USP13: variants seen among roughly 807,000 people sequenced by gnomAD.
USP13 encodes ubiquitin specific peptidase 13, also known as ubiquitin carboxyl-terminal hydrolase 13.
Under a neutral mutation model 107.8 loss-of-function variants are expected in USP13, and 68 were observed. The ratio of observed to expected loss-of-function variants is 0.63; its 90% CI spans 0.52 to 0.77. The LOEUF (loss-of-function observed/expected upper bound fraction) is 0.77, where lower values mean the gene tolerates loss of function less well. Among genes scored for constraint, USP13 ranks in the 30% least tolerant of loss-of-function variants. USP13 has a pLI of 0.00. For synonymous variants in USP13, 377 were observed against 389.5 expected (o/e 0.97, Z 0.38); for missense variants, 945 against 1,093.3 (o/e 0.86, Z 1.91).
At chr3:179,781,894 T>G in intron 20 of USP13, 71 bp downstream of exon 20, 3 of 1,306,414 alleles carry the variant, frequency 2.3e-6, no homozygotes, top group Non-Finnish European at 3.3e-6. Flanking sequence ...GGCACTCTCC[T>G]AGGTACATTG....
At chr3:179,708,693 T>A (rs1320714434) in intron 5 of USP13, 80 bp from the exon 6 acceptor site, 1 of 1,544,474 alleles carries the variant, frequency 6.5e-7, no homozygotes. Flanking sequence ...ACCTGCCTAC[T>A]TGAAACCCTC....
At chr3:179,708,595 C>A (rs575182918) in intron 5 of USP13, among the ~76,000 whole-genome samples, 178 bp from the exon 6 acceptor site, 4 of 152,134 alleles carry the variant, frequency 2.6e-5, no homozygotes, top group African/African-American at 9.7e-5. Context: ...GGGTTACAGG[C>A]GTGAACCACC....
At chr3:179,760,750 G>A (rs182712540) in intron 16 of USP13, among the ~76,000 whole-genome samples, 4 of 152,326 alleles carry the variant, frequency 2.6e-5, no homozygotes, top group African/African-American at 9.6e-5. Flanking sequence ...TAGGCCTGTA[G>A]ATAGAGCTTT....
chr3:179,722,324 G>A, intron 8 of USP13, among the ~76,000 whole-genome samples: 1 of 152,110 alleles, frequency 6.6e-6, no homozygotes, highest in Non-Finnish European at 1.5e-5. Context: ...TTACAGTGTG[G>A]TTCATAGACT....
chr3:179,755,714 C>T (rs1342064028), intron 15 of USP13, among the ~76,000 whole-genome samples: 1 of 152,194 alleles, frequency 6.6e-6, no homozygotes, highest in Non-Finnish European at 1.5e-5. Context: ...CTGATGAAAT[C>T]AGTTTCATTC....
rs187160946 is a variant in USP13 at position 179,719,834 on chromosome 3, G to A, written c.806-106G>A. On this transcript the variant is annotated intron_variant, in intron 6 of 20. Coordinates refer to ENST00000263966, the MANE Select transcript of USP13 (RefSeq NM_003940.3). Reference sequence around the variant, plus strand: ...TGTTAGAAAGTTTTCGTTTTGTTCAGTGATATAGCCCAAGCCTGGTGTACA... The same window carrying A: ...TGTTAGAAAGTTTTCGTTTTGTTCAATGATATAGCCCAAGCCTGGTGTACA... 4,009 of 795,352 alleles carry A rather than the reference G, an allele frequency of 5.0e-3. 22 individuals carry two copies. The highest frequency in any genetic ancestry group is 0.045 in the Middle Eastern group (179 of 4,022). 49.3% of individuals were successfully genotyped at this position (795,352 alleles called of 1,614,324 possible). A position where few individuals can be genotyped will look rare whatever the true frequency, so the allele number is the denominator to read the frequency against.
chr3:179,748,518 G>T (rs1714489286), intron 13 of USP13, among the ~76,000 whole-genome samples: 1 of 152,156 alleles, frequency 6.6e-6, no homozygotes, highest in Non-Finnish European at 1.5e-5. Context: ...GATCTTGGCG[G>T]ATCTTGCATC....
At chr3:179,698,575 A>C (rs892971371) in intron 3 of USP13, among the ~76,000 whole-genome samples, 79 of 151,728 alleles carry the variant, frequency 5.2e-4, no homozygotes, top group African/African-American at 1.8e-3. Flanking sequence ...TGGAAAGGAG[A>C]CAGATAATAT....
intron 6 of USP13, among the ~76,000 whole-genome samples, chr3:179,716,396 C>CAA: frequency 6.6e-6 from 1 of 152,202 alleles, no homozygotes; most frequent in South Asian, 2.1e-4. Context: ...ACCAAACCAG[C>CAA]ATTTCTTCTA....
At chr3:179,676,438 T>A (rs538967183) in intron 1 of USP13, among the ~76,000 whole-genome samples, 1 of 152,154 alleles carries the variant, frequency 6.6e-6, no homozygotes, top group Non-Finnish European at 1.5e-5. Context: ...GGCTGGTTAA[T>A]GAGAGGATGA....
intron 2 of USP13, 26 bp downstream of exon 2, chr3:179,682,029 G>A (rs1230704036): frequency 1.2e-6 from 2 of 1,603,178 alleles, no homozygotes; most frequent in African/African-American, 1.3e-5. Flanking sequence ...TCAGAGAACT[G>A]GCCTTGATGT....
chr3:179,729,106 G>A (rs1409882293), intron 8 of USP13, among the ~76,000 whole-genome samples: 1 of 152,214 alleles, frequency 6.6e-6, no homozygotes, highest in African/African-American at 2.4e-5. Flanking sequence ...TAGGAGCACT[G>A]CAACAGGGCC....
At chr3:179,679,967 G>T (rs1424661923) in intron 1 of USP13, among the ~76,000 whole-genome samples, 1 of 152,050 alleles carries the variant, frequency 6.6e-6, no homozygotes, top group African/African-American at 2.4e-5. Context: ...TTGAGCCCAG[G>T]AGTTTGAGAC....
intron 11 of USP13, among the ~76,000 whole-genome samples, chr3:179,741,080 G>C (rs1714179184): frequency 6.6e-6 from 1 of 151,130 alleles, no homozygotes; most frequent in African/African-American, 2.4e-5. Context: ...CCTGAGTAAA[G>C]CCTTTTTTTT....
chr3:179,748,729 C>G (rs1307317879), intron 13 of USP13, among the ~76,000 whole-genome samples: 6 of 152,196 alleles, frequency 3.9e-5, no homozygotes, highest in Non-Finnish European at 8.8e-5. Flanking sequence ...GAGATTTTTA[C>G]TTACCCATTC....
At position 179,692,975 on chromosome 3, in the gene USP13, A is replaced by G. The variant is rs138034167; in HGVS notation, c.355+2674A>G. On this transcript the variant is annotated intron_variant, in intron 3 of 20. Coordinates refer to ENST00000263966, the MANE Select transcript of USP13 (RefSeq NM_003940.3). The stretch of plus-strand genomic sequence containing the variant: ...TACAGGTTATTCTCTGTATTCAGGC[A>G]AGATTTCATATCTTAGAAAACCACA... 8.3e-3 allele frequency among the ~76,000 whole-genome samples: 1,266 copies of G among 152,318 alleles called. 28 individuals are homozygous for G. The highest frequency in any genetic ancestry group is 0.029 in the African/African-American group (1,224 of 41,572).
At chr3:179,751,060 A>AAAT (rs1714594582) in intron 13 of USP13, among the ~76,000 whole-genome samples, 1 of 152,208 alleles carries the variant, frequency 6.6e-6, no homozygotes, top group African/African-American at 2.4e-5. Flanking sequence ...TTTTATTTTA[A>AAAT]AAGGTATCTG....
At chr3:179,738,207 T>C (rs773883059) in intron 10 of USP13, among the ~76,000 whole-genome samples, 6 of 152,192 alleles carry the variant, frequency 3.9e-5, no homozygotes, top group Non-Finnish European at 7.3e-5. Context: ...CATTTTGTGC[T>C]CTGGACTTCA....
intron 13 of USP13, among the ~76,000 whole-genome samples, chr3:179,750,146 T>A (rs1428893220): frequency 1.3e-5 from 2 of 151,562 alleles, no homozygotes; most frequent in East Asian, 3.9e-4. Context: ...GCACCTGTAA[T>A]CCCAGCGACT....
Sources: gnomAD v4.1 joint callset for allele counts (sites outside exome capture counted in the v4.1 genomes callset) on GRCh38, gnomAD v4.1.1 for gene constraint, MANE v1.5 for transcripts, NCBI Gene and HGNC (gene_info 2026-07-23, HGNC 2026-07-21) for gene names.